The following TACC2 variants were observed in gnomAD, a reference collection of about 807,000 sequenced individuals.
TACC2 encodes transforming acidic coiled-coil-containing protein 2.
A neutral mutation model predicts 227.3 loss-of-function variants in TACC2; 137 were observed. The ratio of observed to expected loss-of-function variants is 0.60; its 90% CI spans 0.52 to 0.69. TACC2 has a LOEUF of 0.69. TACC2 is among the 30% of genes least tolerant of loss of function. The pLI is 0.00. For synonymous variants in TACC2, 1,523 were observed against 1,487.5 expected (o/e 1.02, Z -0.55); for missense variants, 3,470 against 3,694.4 (o/e 0.94, Z 1.57).
chr10:122,190,310 T>C (rs2094362663), intron 7 of TACC2, among the ~76,000 whole-genome samples: 1 of 152,222 alleles, frequency 6.6e-6, no homozygotes, highest in South Asian at 2.1e-4. Flanking sequence ...TTGGGGCCAA[T>C]TTCCACGCCC....
rs1024869016 is a variant in TACC2 at position 122,085,361 on chromosome 10, G to C, written c.2861G>C (p.Gly954Ala). 1.1e-5 allele frequency: 18 copies of C among 1,613,914 alleles called. No homozygotes were observed. Among genetic ancestry groups the C allele is most frequent in the Admixed American group, 1.7e-5 (1 of 59,992 alleles). Residue 954 changes from glycine to alanine, a missense_variant, in exon 4 of 23, where the codon GGT (glycine) becomes GCT (alanine). By Grantham distance (60) the Gly-to-Ala change is moderately conservative. This residue lies in a region of TACC2 where 1,924 missense variants were observed against 1,978.3 expected (regional missense o/e 0.97). Transcript: ENST00000369005. The part of the protein sequence containing the change: ...LGEKRPEGAC[G>A]DGQSSRVSPP... ...GAGAAGCGGCCAGAGGGAGCATGCG[G>C]TGATGGTCAGTCCTCGAGGGTCTCG... is the stretch of plus-strand genomic sequence containing the variant.
At chr10:122,206,248 T>C (rs889472123) in intron 8 of TACC2, among the ~76,000 whole-genome samples, 4 of 152,232 alleles carry the variant, frequency 2.6e-5, no homozygotes, top group Non-Finnish European at 4.4e-5. Flanking sequence ...GCTTTGTCTC[T>C]TTCCTGGGAG....
At chr10:122,100,745 C>T (rs1187274738) in intron 5 of TACC2, among the ~76,000 whole-genome samples, 1 of 152,148 alleles carries the variant, frequency 6.6e-6, no homozygotes, top group Non-Finnish European at 1.5e-5. Flanking sequence ...TCTTCTTAAC[C>T]CCTTTTCCTT....
intron 3 of TACC2, among the ~76,000 whole-genome samples, chr10:122,074,926 C>T (rs1016965261): frequency 5.3e-5 from 8 of 152,098 alleles, no homozygotes; most frequent in East Asian, 1.9e-4. Flanking sequence ...AGAAGTCATT[C>T]GCACAACATA....
At chr10:122,206,187 T>C (rs560716316) in intron 8 of TACC2, among the ~76,000 whole-genome samples, 1 of 152,282 alleles carries the variant, frequency 6.6e-6, no homozygotes, top group East Asian at 1.9e-4. Flanking sequence ...GGTGTGGCCT[T>C]TGGAGAAGGT....
At chr10:122,007,122 A>T (rs1955273459) in intron 1 of TACC2, among the ~76,000 whole-genome samples, 1 of 152,058 alleles carries the variant, frequency 6.6e-6, no homozygotes, top group Non-Finnish European at 1.5e-5. Context: ...TCGGCCTCCC[A>T]AAGTTCTGGG....
intron 3 of TACC2, among the ~76,000 whole-genome samples, chr10:122,075,978 T>G (rs770696555): frequency 6.6e-6 from 1 of 152,072 alleles, no homozygotes; most frequent in Admixed American, 6.6e-5. Context: ...TTTTTTATTT[T>G]TAGTAGAGAC....
Position 122,087,849 on chromosome 10 carries a change from C to T in TACC2, c.5349C>T (p.Arg1783=), listed in dbSNP as rs764378043. Residue 1783 remains arginine, a synonymous_variant, in exon 4 of 23, where the codon CGC becomes CGT. Transcript: ENST00000369005. ...CTAAGGAGCAGCCAGGGCCTGAGCGCCCCATTCCAGCTGGGGATGGGAAGG... is the reference window on the plus strand; with the variant it reads ...CTAAGGAGCAGCCAGGGCCTGAGCGTCCCATTCCAGCTGGGGATGGGAAGG... ...QQAKEQPGPE[R]PIPAGDGKVC... 5.2e-6 allele frequency: 8 copies of T among 1,526,594 alleles called. No homozygotes were observed. The highest frequency in any genetic ancestry group is 7.0e-6 in the Non-Finnish European group (8 of 1,137,762). 94.6% of individuals were successfully genotyped at this position (1,526,594 alleles called of 1,614,324 possible).
At chr10:122,155,151 G>A (rs879742942) in intron 7 of TACC2, among the ~76,000 whole-genome samples, 21 of 152,296 alleles carry the variant, frequency 1.4e-4, no homozygotes, top group Middle Eastern at 6.8e-3. Flanking sequence ...CTTTCGTCTC[G>A]GAAGCATCTC....
chr10:122,220,139 A>AT (rs567307745), intron 11 of TACC2, among the ~76,000 whole-genome samples: 327 of 151,148 alleles, frequency 2.2e-3, no homozygotes, highest in African/African-American at 6.9e-3. Context: ...AAATACATGC[A>AT]TTTTTTTTTC....
intron 1 of TACC2, among the ~76,000 whole-genome samples, chr10:121,996,484 C>G (rs1353259047): frequency 6.6e-6 from 1 of 152,144 alleles, no homozygotes; most frequent in Admixed American, 6.5e-5. Context: ...GCCCCACTTC[C>G]AATGCTGGGG....
chr10:122,104,699 T>G (rs1323172716), intron 5 of TACC2, among the ~76,000 whole-genome samples: 2 of 152,200 alleles, frequency 1.3e-5, no homozygotes, highest in Non-Finnish European at 2.9e-5. Context: ...GTGTTACTAG[T>G]CAATGTCTGT....
At chr10:122,000,404 A>G (rs987370076) in intron 1 of TACC2, among the ~76,000 whole-genome samples, 1 of 152,104 alleles carries the variant, frequency 6.6e-6, no homozygotes. Context: ...AGAAAATGCA[A>G]ATCAAAACTA....
At chr10:122,097,173 A>T (rs566749467) in intron 5 of TACC2, among the ~76,000 whole-genome samples, 2 of 151,666 alleles carry the variant, frequency 1.3e-5, no homozygotes, top group South Asian at 4.2e-4. Context: ...AAAAAGAAAA[A>T]GAAAAATTAG....
chr10:122,144,900 C>T (rs189694569), intron 7 of TACC2, among the ~76,000 whole-genome samples: 3 of 152,244 alleles, frequency 2.0e-5, no homozygotes, highest in Admixed American at 1.3e-4. Flanking sequence ...TTGGATCCAC[C>T]GCAGTGCCTG....
intron 5 of TACC2, among the ~76,000 whole-genome samples, chr10:122,114,408 G>A (rs1156609297): frequency 1.3e-5 from 2 of 152,236 alleles, no homozygotes; most frequent in African/African-American, 2.4e-5. Context: ...TGTTTTTAGG[G>A]TTGACAGTTG....
At chr10:122,224,041 C>T (rs567285471) in intron 11 of TACC2, among the ~76,000 whole-genome samples, 22 of 152,268 alleles carry the variant, frequency 1.4e-4, no homozygotes, top group African/African-American at 5.1e-4. Flanking sequence ...GTACTCGAGG[C>T]AGGCAGTGGT....
At chr10:122,074,460 G>T (rs1161051764) in intron 3 of TACC2, among the ~76,000 whole-genome samples, 1 of 152,130 alleles carries the variant, frequency 6.6e-6, no homozygotes, top group Non-Finnish European at 1.5e-5. Flanking sequence ...TCATAGAGTT[G>T]TAAACTATGG....
At chr10:121,993,757 G>A (rs77730570) in intron 1 of TACC2, among the ~76,000 whole-genome samples, 2,761 of 152,138 alleles carry the variant, frequency 0.018, 45 homozygotes, top group Non-Finnish European at 0.03. Context: ...TCCCAAGTAT[G>A]TGGGACTACA....
Sources: gnomAD v4.1 joint callset for allele counts (sites outside exome capture counted in the v4.1 genomes callset) on GRCh38, gnomAD v4.1.1 for gene constraint, gnomAD v4.1.1 regional missense constraint, MANE v1.5 for transcripts, NCBI Gene and HGNC (gene_info 2026-07-23, HGNC 2026-07-21) for gene names.